CST4: variants seen among roughly 807,000 people sequenced by gnomAD.
CST4 encodes the protein cystatin-S.
A neutral mutation model predicts 11.2 loss-of-function variants in CST4; 17 were observed. The observed-to-expected ratio is 1.52, with a 90% CI of 1.04 to 2.27. The LOEUF (loss-of-function observed/expected upper bound fraction) is 2.27. Ranked by LOEUF, CST4 falls within the 30% of genes most tolerant of loss-of-function variation. The pLI is 0.00. For missense variants in CST4, 251 were observed against 180.2 expected, an observed-to-expected ratio of 1.39 and a Z score of -2.25; for synonymous variants, 93 against 70.1, an observed-to-expected ratio of 1.33 and a Z score of -1.63.
chr20:23,688,190 C>T lies in CST4; in HGVS notation c.228+552G>A, dbSNP rs16985633. On this transcript the variant is annotated intron_variant, in intron 1 of 2. Coordinates refer to ENST00000217423, the MANE Select transcript of CST4 (RefSeq NM_001899.3). Reference sequence around the variant, plus strand: ...TGGCTGAGGTCTAACTCTGCATCAGCTCGTAGAGGCAGGGCCAGGCGTGCT... The same window carrying T: ...TGGCTGAGGTCTAACTCTGCATCAGTTCGTAGAGGCAGGGCCAGGCGTGCT... 5.7e-3 allele frequency among the ~76,000 whole-genome samples: 876 copies of T among 152,354 alleles called. 11 individuals are homozygous for T. Among genetic ancestry groups the T allele is most frequent in the African/African-American group, 0.02 (843 of 41,584 alleles).
rs113944027 is a variant in CST4 at position 23,687,237 on chromosome 20, C to A, written c.229-36G>T. Reference sequence around the variant, plus strand: ...GAGAAAACAGGAAGCACGGACAGCGCCCCCATCAGTTCATGCACTCACAGG... The same window carrying A: ...GAGAAAACAGGAAGCACGGACAGCGACCCCATCAGTTCATGCACTCACAGG... On this transcript the variant is annotated intron_variant, in intron 1 of 2. Coordinates refer to ENST00000217423, the MANE Select transcript of CST4 (RefSeq NM_001899.3). 3.7e-6 allele frequency: 6 copies of A among 1,610,952 alleles called. No homozygotes were observed. The East Asian group carries it at 1.1e-4, about 30-fold the overall frequency.
At chr20:23,688,316 C>A (rs1453195929) in intron 1 of CST4, among the ~76,000 whole-genome samples, 1 of 152,220 alleles carries the variant, frequency 6.6e-6, no homozygotes, top group Non-Finnish European at 1.5e-5. Flanking sequence ...AAGGGCATGA[C>A]TTGGGGAAGG....
At chr20:23,686,610 C>A (rs2897201) in intron 2 of CST4, among the ~76,000 whole-genome samples, 2 of 152,194 alleles carry the variant, frequency 1.3e-5, no homozygotes, top group African/African-American at 4.8e-5. Context: ...TGCCCAGCAC[C>A]CAGCCCCGCA....
chr20:23,685,866 G>A lies in CST4; in HGVS notation c.*28C>T, dbSNP rs755615000. On this transcript the variant is annotated 3_prime_UTR_variant, in exon 3 of 3. Coordinates refer to ENST00000217423, the MANE Select transcript of CST4 (RefSeq NM_001899.3). Reference sequence around the variant, plus strand: ...CTACAGTGGGTGGGAGTGGGTGGTGGTCGGTGTGACTGGCCTGGCACAGAC... The same window carrying A: ...CTACAGTGGGTGGGAGTGGGTGGTGATCGGTGTGACTGGCCTGGCACAGAC... 3.7e-6 allele frequency: 6 copies of A among 1,611,248 alleles called. No individual in the cohort carries two copies. The East Asian group carries it at 1.1e-4, about 30-fold the overall frequency.
chr20:23,685,829 G>C lies in CST4; in HGVS notation c.*65C>G, dbSNP rs1335886417. On this transcript the variant is annotated 3_prime_UTR_variant, in exon 3 of 3. Coordinates refer to ENST00000217423, the MANE Select transcript of CST4 (RefSeq NM_001899.3). ...CCGCAGGGTGGGGGCCACCAGTCCA[G>C]GGGTGGGAGCACTACAGTGGGTGGG... 5 of 1,560,952 alleles carry C rather than the reference G, an allele frequency of 3.2e-6. No individual in the cohort carries two copies. In the East Asian group the frequency reaches 6.7e-5, roughly 21 times the overall value.
chr20:23,686,781 C>T (rs937070316), intron 2 of CST4, among the ~76,000 whole-genome samples: 2 of 152,066 alleles, frequency 1.3e-5, no homozygotes, highest in African/African-American at 4.8e-5. Context: ...CACTTGGACC[C>T]CTCATCCCCA....
chr20:23,688,691 G>C, intron 1 of CST4, 51 bp downstream of exon 1: 3 of 1,568,944 alleles, frequency 1.9e-6, no homozygotes, highest in Non-Finnish European at 8.8e-7. Context: ...TGGGGGTCCG[G>C]CAACAAACCA....
rs773392948 is a variant in CST4, at chr20:23,688,719, C to T, written c.228+23G>A. On this transcript the variant is annotated intron_variant, in intron 1 of 2. Coordinates refer to ENST00000217423, the MANE Select transcript of CST4 (RefSeq NM_001899.3). ...ACAAACCAGGCTAGGGCTCAGGACC[C>T]CTCGGGTGGAGGCAGCACCCACCTG... 18 of 1,612,548 alleles carry T rather than the reference C, an allele frequency of 1.1e-5. 1 individual carries two copies.
At chr20:23,687,018 G>A in intron 2 of CST4, 70 bp downstream of exon 2, 2 of 1,595,902 alleles carry the variant, frequency 1.3e-6, no homozygotes, top group Non-Finnish European at 1.7e-6. Context: ...AACATGGGTA[G>A]GACAGAGGCT....
Position 23,688,383 on chromosome 20 carries a change from C to G in CST4, c.228+359G>C, listed in dbSNP as rs576208402. ...TCCCATGTGGCCCCTGAGGAGAGGA[C>G]TCAGGGAGGAGAATGAGCCTCACCG... On this transcript the variant is annotated intron_variant, in intron 1 of 2. Transcript: ENST00000217423. 1.4e-4 allele frequency among the ~76,000 whole-genome samples: 22 copies of G among 152,294 alleles called. No individual in the cohort carries two copies. In the South Asian group the frequency reaches 4.4e-3, roughly 30 times the overall value.
chr20:23,688,473 C>G (rs763555108), intron 1 of CST4, among the ~76,000 whole-genome samples: 3 of 152,196 alleles, frequency 2.0e-5, no homozygotes, highest in Non-Finnish European at 4.4e-5. Context: ...TCCACACCTG[C>G]TGGACGCTGG....
At chr20:23,687,827 T>C (rs1430624900) in intron 1 of CST4, among the ~76,000 whole-genome samples, 2 of 152,176 alleles carry the variant, frequency 1.3e-5, no homozygotes, top group African/African-American at 4.8e-5. Flanking sequence ...AGTTTACCCA[T>C]GTATAAAATA....
chr20:23,686,816 C>T (rs1279104268), intron 2 of CST4, among the ~76,000 whole-genome samples: 1 of 152,112 alleles, frequency 6.6e-6, no homozygotes, highest in Non-Finnish European at 1.5e-5. Flanking sequence ...AACCCCCATA[C>T]TTCCGCCACA....
In CST4 at chr20:23,688,717, C is replaced by T. The variant is rs200822765; in HGVS notation, c.228+25G>A. The stretch of plus-strand genomic sequence containing the variant: ...CAACAAACCAGGCTAGGGCTCAGGA[C>T]CCCTCGGGTGGAGGCAGCACCCACC... On this transcript the variant is annotated intron_variant, in intron 1 of 2. Transcript: ENST00000217423. The T allele has an allele frequency of 2.5e-6, 4 of 1,610,362 alleles. No homozygotes were observed. In the South Asian group the frequency reaches 3.3e-5, roughly 13 times the overall value.
rs978930269 is a variant in CST4 at position 23,687,079 on chromosome 20, G to A, written c.342+9C>T. On this transcript the variant is annotated intron_variant, in intron 2 of 2. Coordinates refer to ENST00000217423, the MANE Select transcript of CST4 (RefSeq NM_001899.3). ...CATGACTGGCCCGGGACCCGCATCA[G>A]GAACGTACCTTCTGCAGTTCTGGCT... The A allele has an allele frequency of 6.2e-7, 1 of 1,614,124 alleles. No individual in the cohort carries two copies. Among genetic ancestry groups the A allele is most frequent in the African/African-American group, 1.3e-5 (1 of 75,022 alleles).
rs370846467 is a variant in CST4 at position 23,688,816 on chromosome 20, T to C, written c.154A>G (p.Ile52Val). 6.2e-7 allele frequency: 1 copy of C among 1,614,064 alleles called. No individual in the cohort carries two copies. Among genetic ancestry groups the C allele is most frequent in the Non-Finnish European group, 8.5e-7 (1 of 1,180,030 alleles). ...TCGGTGGCCTTGTTGTACTCGCTGA[T>C]GGCGAAGTGAAGGGCACGCTGTACC... is the stretch of plus-strand genomic sequence containing the variant. Reference protein sequence around the residue: ...EWVQRALHFAISEYNKATEDE... With the variant: ...EWVQRALHFAVSEYNKATEDE... The change falls in exon 1 of 3, where the codon ATC (isoleucine) becomes GTC (valine). Residue 52 changes from isoleucine (I) to valine (V), a missense_variant. Physicochemically the swap from Ile to Val is conservative, Grantham distance 29. Coordinates refer to ENST00000217423, the MANE Select transcript of CST4 (RefSeq NM_001899.3).
At position 23,687,077 on chromosome 20, in the gene CST4, C is replaced by T. The variant is rs1981069903; in HGVS notation, c.342+11G>A. On this transcript the variant is annotated intron_variant, in intron 2 of 2. Transcript: ENST00000217423. The stretch of plus-strand genomic sequence containing the variant: ...TGCATGACTGGCCCGGGACCCGCAT[C>T]AGGAACGTACCTTCTGCAGTTCTGG... 2 of 1,614,028 alleles carry T rather than the reference C, an allele frequency of 1.2e-6. No homozygotes were observed.
Position 23,687,214 on chromosome 20 carries a change from G to A in CST4, c.229-13C>T, listed in dbSNP as rs774857979. Reference sequence around the variant, plus strand: ...CCCCCCCAAAGGTCTGCACACAGGAGAAAACAGGAAGCACGGACAGCGCCC... The same window carrying A: ...CCCCCCCAAAGGTCTGCACACAGGAAAAAACAGGAAGCACGGACAGCGCCC... On this transcript the variant is annotated splice_polypyrimidine_tract_variant and intron_variant, in intron 1 of 2. Coordinates refer to ENST00000217423, the MANE Select transcript of CST4 (RefSeq NM_001899.3). The A allele has an allele frequency of 2.4e-5, 39 of 1,613,658 alleles. No homozygotes were observed. The highest frequency in any genetic ancestry group is 1.8e-4 in the Admixed American group (11 of 60,002).
rs1568723504 is a variant in CST4 at position 23,685,867 on chromosome 20, T to C, written c.*27A>G. On this transcript the variant is annotated 3_prime_UTR_variant, in exon 3 of 3. Coordinates refer to ENST00000217423, the MANE Select transcript of CST4 (RefSeq NM_001899.3). ...TACAGTGGGTGGGAGTGGGTGGTGG[T>C]CGGTGTGACTGGCCTGGCACAGACC... 6.8e-6 allele frequency: 11 copies of C among 1,611,632 alleles called. No individual in the cohort carries two copies. Among genetic ancestry groups the C allele is most frequent in the Non-Finnish European group, 9.3e-6 (11 of 1,177,834 alleles).
Sources: gnomAD v4.1 joint callset for allele counts (sites outside exome capture counted in the v4.1 genomes callset) on GRCh38, gnomAD v4.1.1 for gene constraint, MANE v1.5 for transcripts, NCBI Gene and HGNC (gene_info 2026-07-23, HGNC 2026-07-21) for gene names.